The following PCDHGA4 variants were observed in gnomAD, a reference collection of about 807,000 sequenced individuals.
The protein encoded by PCDHGA4 is protocadherin gamma subfamily A, 4.
In PCDHGA4, 38 loss-of-function variants were observed where a neutral mutation model predicts 54.6. The observed-to-expected ratio is 0.70, with a 90% CI of 0.54 to 0.91. The LOEUF is 0.91. PCDHGA4 is among the 40% of genes least tolerant of loss of function. The probability of loss-of-function intolerance (pLI) is 0.00; values close to 1 mark genes in which losing one functional copy is unlikely to be tolerated. For synonymous variants in PCDHGA4, 511 were observed against 512.9 expected (o/e 1.00, Z 0.05); for missense variants, 1,298 against 1,220.9 (o/e 1.06, Z -0.94).
intron 1 of PCDHGA4, chr5:141,393,248 C>A: frequency 4.3e-6 from 7 of 1,613,798 alleles, no homozygotes; most frequent in Non-Finnish European, 5.9e-6. Flanking sequence ...TTAACGAAAT[C>A]GCGGTTCCTG....
intron 1 of PCDHGA4, chr5:141,364,981 C>T (rs756594174): frequency 4.3e-6 from 7 of 1,613,884 alleles, no homozygotes; most frequent in Non-Finnish European, 5.9e-6. Context: ...CTTTAGATGG[C>T]GGAGACCCGG....
chr5:141,374,976 C>A, intron 1 of PCDHGA4: 1 of 1,614,016 alleles, frequency 6.2e-7, no homozygotes, highest in Non-Finnish European at 8.5e-7. Context: ...AATGTTTTGA[C>A]TGGAGAAATT....
chr5:141,490,396 A>G lies in PCDHGA4; in HGVS notation c.2515-4411A>G. ...GGACTCAGGTAGAAATGGTGAAGTGAGCCTTGATATCTCTCCGGACCTGCC... is the reference window on the plus strand; with the variant it reads ...GGACTCAGGTAGAAATGGTGAAGTGGGCCTTGATATCTCTCCGGACCTGCC... On this transcript the variant is annotated intron_variant, in intron 1 of 3. Coordinates refer to ENST00000571252, the MANE Select transcript of PCDHGA4 (RefSeq NM_018917.4). The surrounding 1 kb of genome is among the most constrained non-coding windows in gnomAD (Gnocchi z 5.4). 1 of 1,614,146 alleles carries G rather than the reference A, an allele frequency of 6.2e-7. No homozygotes were observed. The highest frequency in any genetic ancestry group is 8.5e-7 in the Non-Finnish European group (1 of 1,180,030).
chr5:141,389,074 G>C (rs1561622860), intron 1 of PCDHGA4: 11 of 1,614,030 alleles, frequency 6.8e-6, no homozygotes, highest in Non-Finnish European at 9.3e-6. Context: ...ACTTCTTCAA[G>C]AAACACGTAT....
At position 141,356,207 on chromosome 5, in the gene PCDHGA4, CAG is replaced by C. The variant is rs1419624764; in HGVS notation, c.1101_1102del (p.Val368SerfsTer3). 2 of 1,605,982 alleles carry C rather than the reference CAG, an allele frequency of 1.2e-6. No homozygotes were observed. Among genetic ancestry groups the C allele is most frequent in the African/African-American group, 2.7e-5 (2 of 74,800 alleles). ...CGAGCTAGAAGCAAGGTACTGGTGA[CAG>C]TTCTGGATGAAAATGACAACGCACC... On this transcript the variant is annotated frameshift_variant, in exon 1 of 4. Coordinates refer to ENST00000571252, the MANE Select transcript of PCDHGA4 (RefSeq NM_018917.4). LOFTEE classifies it high-confidence loss of function.
rs182682202 is a variant in PCDHGA4 at position 141,445,418 on chromosome 5, T to A, written c.2515-49389T>A. Among the ~76,000 whole-genome samples the A allele has an allele frequency of 2.2e-3, 335 of 152,310 alleles. 1 individual carries two copies. Among genetic ancestry groups the A allele is most frequent in the Middle Eastern group, 0.01 (3 of 294 alleles). Reference sequence around the variant, plus strand: ...ACAAATATTTATTAACTGTCTGCTATATGCAAGGCACTGACCTATGGACTA... The same window carrying A: ...ACAAATATTTATTAACTGTCTGCTAAATGCAAGGCACTGACCTATGGACTA... On this transcript the variant is annotated intron_variant, in intron 1 of 3. Transcript: ENST00000571252.
rs1035284319 is a variant in PCDHGA4, at chr5:141,368,926, G to C, written c.2514+11305G>C. Among the ~76,000 whole-genome samples, 16 of 152,178 alleles carry C rather than the reference G, an allele frequency of 1.1e-4. 2 individuals are homozygous for C. The highest frequency in any genetic ancestry group is 5.2e-4 in the Admixed American group (8 of 15,270). On this transcript the variant is annotated intron_variant, in intron 1 of 3. Transcript: ENST00000571252. Reference sequence around the variant, plus strand: ...TGTATAAAGGTGACAATGAGTGTCTGTCTAGAATTCTGGTTACTGTGAGTA... The same window carrying C: ...TGTATAAAGGTGACAATGAGTGTCTCTCTAGAATTCTGGTTACTGTGAGTA...
At chr5:141,374,703 T>C in intron 1 of PCDHGA4, 1 of 1,609,272 alleles carries the variant, frequency 6.2e-7, no homozygotes, top group Non-Finnish European at 8.5e-7. Flanking sequence ...GGAGAAGCCG[T>C]TTACCGCCTG....
At chr5:141,393,792 C>A (rs757880855) in intron 1 of PCDHGA4, 1 of 1,613,908 alleles carries the variant, frequency 6.2e-7, no homozygotes, top group Non-Finnish European at 8.5e-7. Flanking sequence ...TGTGGGGGCA[C>A]TTCTGGGGAG....
rs1179408656 is a variant in PCDHGA4, at chr5:141,395,537, A to ATTGT, written c.2514+37921_2514+37924dup. 1,010 of 243,944 alleles carry ATTGT rather than the reference A, an allele frequency of 4.1e-3. 17 individuals are homozygous for ATTGT. In the African/African-American group the frequency reaches 0.049, roughly 12 times the overall value. The allele number at this position is 243,944 out of a possible 1,614,324, so 15.1% of individuals were successfully genotyped here. On this transcript the variant is annotated intron_variant, in intron 1 of 3. Coordinates refer to ENST00000571252, the MANE Select transcript of PCDHGA4 (RefSeq NM_018917.4). ...ACCCGTCCATACTGGTAATTTTGCT[A>ATTGT]TTGTTTGTGTGTGTGTGTGTGTGTG... is the stretch of plus-strand genomic sequence containing the variant.
chr5:141,426,451 C>T (rs561567196), intron 1 of PCDHGA4: 1 of 308,946 alleles, frequency 3.2e-6, no homozygotes, highest in Non-Finnish European at 6.4e-6. Flanking sequence ...GGACATGCGG[C>T]TGCATGTTCA....
At chr5:141,468,871 T>TAAG (rs796694379) in intron 1 of PCDHGA4, among the ~76,000 whole-genome samples, 1 of 148,338 alleles carries the variant, frequency 6.7e-6, no homozygotes, top group African/African-American at 2.5e-5. Flanking sequence ...ATCTCAAAAA[T>TAAG]AATAATAATA....
At chr5:141,393,029 G>A in intron 1 of PCDHGA4, 1 of 1,613,754 alleles carries the variant, frequency 6.2e-7, no homozygotes, top group Non-Finnish European at 8.5e-7. Context: ...GAGGTAGGAC[G>A]CAGCTCTTTG....
chr5:141,409,914 G>T lies in PCDHGA4; in HGVS notation c.2514+52293G>T, dbSNP rs772848211. 58 of 1,613,230 alleles carry T rather than the reference G, an allele frequency of 3.6e-5. No homozygotes were observed. In the East Asian group the frequency reaches 1.2e-3, roughly 35 times the overall value. On this transcript the variant is annotated intron_variant, in intron 1 of 3. Transcript: ENST00000571252. ...CTGTACCCAGCTCTGGGTCCTGACGGCTCCGCGTTCTTCGATATGGTACCT... is the reference window on the plus strand; with the variant it reads ...CTGTACCCAGCTCTGGGTCCTGACGTCTCCGCGTTCTTCGATATGGTACCT...
rs369851570 is a variant in PCDHGA4, at chr5:141,408,393, G to T, written c.2514+50772G>T. 1.7e-5 allele frequency: 28 copies of T among 1,613,918 alleles called. No individual in the cohort carries two copies. In the Admixed American group the frequency reaches 2.2e-4, roughly 12 times the overall value. On this transcript the variant is annotated intron_variant, in intron 1 of 3. Coordinates refer to ENST00000571252, the MANE Select transcript of PCDHGA4 (RefSeq NM_018917.4). Reference sequence around the variant, plus strand: ...CTCAGTGTCCTGGATGTGTCGGCTCGCAAGCTGCGAGTGAGCGCGGAGAAG... The same window carrying T: ...CTCAGTGTCCTGGATGTGTCGGCTCTCAAGCTGCGAGTGAGCGCGGAGAAG...
intron 1 of PCDHGA4, chr5:141,403,339 C>T (rs2094393588): frequency 1.2e-6 from 2 of 1,613,892 alleles, no homozygotes; most frequent in Admixed American, 1.7e-5. Context: ...TTAACGACAG[C>T]GCCCCAAAGT....
At position 141,477,868 on chromosome 5, in the gene PCDHGA4, C is replaced by G; in HGVS notation, c.2515-16939C>G. Reference sequence around the variant, plus strand: ...CGGTGGAGATGCTGCCTCGAGGTACCTCAGCTGGCCACCTAGTGTCACGGG... The same window carrying G: ...CGGTGGAGATGCTGCCTCGAGGTACGTCAGCTGGCCACCTAGTGTCACGGG... On this transcript the variant is annotated intron_variant, in intron 1 of 3. Coordinates refer to ENST00000571252, the MANE Select transcript of PCDHGA4 (RefSeq NM_018917.4). The surrounding 1 kb of genome is among the most constrained non-coding windows in gnomAD (Gnocchi z 4.9). 1 of 1,613,750 alleles carries G rather than the reference C, an allele frequency of 6.2e-7. No individual in the cohort carries two copies. Among genetic ancestry groups the G allele is most frequent in the Non-Finnish European group, 8.5e-7 (1 of 1,179,908 alleles).
chr5:141,417,833 G>A (rs968698994), intron 1 of PCDHGA4: 8 of 1,529,614 alleles, frequency 5.2e-6, no homozygotes, highest in Middle Eastern at 1.7e-4. Context: ...TGGAAAAGCG[G>A]GGACCCAGCG....
intron 1 of PCDHGA4, chr5:141,422,178 G>A (rs1561799748): frequency 1.9e-6 from 3 of 1,563,306 alleles, no homozygotes; most frequent in Non-Finnish European, 1.7e-6. Flanking sequence ...GATTCTATGA[G>A]ATGGAAATTC....
Sources: gnomAD v4.1 joint callset for allele counts (sites outside exome capture counted in the v4.1 genomes callset) on GRCh38, gnomAD v4.1.1 for gene constraint, Gnocchi (gnomAD v3.1) non-coding constraint, MANE v1.5 for transcripts, NCBI Gene and HGNC (gene_info 2026-07-23, HGNC 2026-07-21) for gene names.